RAI14: variants seen among roughly 807,000 people sequenced by gnomAD.
RAI14 encodes ankycorbin.
Under a neutral mutation model 115.4 loss-of-function variants are expected in RAI14, and 45 were observed. That is an observed-to-expected ratio of 0.39 (90% CI 0.31 to 0.50). RAI14 has a LOEUF of 0.50. Ranked by LOEUF, RAI14 falls within the 20% of genes least tolerant of loss-of-function variation. The pLI, the probability that RAI14 is intolerant of heterozygous loss-of-function variation, is 0.85. For synonymous variants in RAI14, 371 were observed against 415.4 expected (o/e 0.89, Z 1.30); for missense variants, 939 against 1,131.2 (o/e 0.83, Z 2.44).
intron 1 of RAI14, among the ~76,000 whole-genome samples, chr5:34,671,480 A>G (rs1156470871): frequency 6.6e-6 from 1 of 152,160 alleles, no homozygotes; most frequent in Non-Finnish European, 1.5e-5. Flanking sequence ...GAGCGTATAC[A>G]TTTTCTGCTT....
chr5:34,809,501 A>G (rs1405865024), intron 7 of RAI14, among the ~76,000 whole-genome samples: 2 of 152,204 alleles, frequency 1.3e-5, no homozygotes, highest in Non-Finnish European at 2.9e-5. Context: ...AAATAACTCC[A>G]AGAACAGTTT....
intron 1 of RAI14, chr5:34,685,947 C>A (rs2149881686): frequency 6.6e-6 from 1 of 152,286 alleles, no homozygotes; most frequent in African/African-American, 2.4e-5. Context: ...GAGAGTCTTG[C>A]ATTGTTTAGA....
intron 14 of RAI14, among the ~76,000 whole-genome samples, chr5:34,822,733 G>C (rs2150297796): frequency 7.6e-6 from 1 of 132,378 alleles, no homozygotes; most frequent in South Asian, 2.5e-4. Context: ...GCCCAGGCTG[G>C]AGTGCAGTGG....
chr5:34,719,084 G>C (rs573089991), intron 2 of RAI14, among the ~76,000 whole-genome samples: 1 of 152,320 alleles, frequency 6.6e-6, no homozygotes, highest in African/African-American at 2.4e-5. Context: ...TCTCTGGACA[G>C]GGTACAACAG....
intron 3 of RAI14, among the ~76,000 whole-genome samples, chr5:34,777,006 T>TA (rs1561347905): frequency 6.6e-6 from 1 of 151,554 alleles, no homozygotes; most frequent in African/African-American, 2.4e-5. Context: ...CCATCTCTAC[T>TA]AAAAAAATAC....
At chr5:34,682,751 T>C (rs1744481637) in intron 1 of RAI14, among the ~76,000 whole-genome samples, 1 of 152,228 alleles carries the variant, frequency 6.6e-6, no homozygotes. Context: ...CTGTTTGAAA[T>C]GGGAGAACTT....
At chr5:34,802,479 G>C (rs1754389134) in intron 4 of RAI14, among the ~76,000 whole-genome samples, 1 of 152,102 alleles carries the variant, frequency 6.6e-6, no homozygotes, top group African/African-American at 2.4e-5. Context: ...TGGGGTGTCT[G>C]GTAGTGGTCA....
chr5:34,829,809 C>T lies in RAI14; in HGVS notation c.2865+12C>T, dbSNP rs774508894. The T allele has an allele frequency of 1.9e-6, 3 of 1,594,300 alleles. No individual in the cohort carries two copies. Among genetic ancestry groups the T allele is most frequent in the Non-Finnish European group, 2.6e-6 (3 of 1,167,382 alleles). On this transcript the variant is annotated intron_variant, in intron 17 of 17. Coordinates refer to ENST00000265109, the MANE Select transcript of RAI14 (RefSeq NM_015577.3). ...TGTATGCTGTGCAGGTATGGTTATG[C>T]CCCTTGAAGTATCTGGACATCCTAA...
In RAI14 at chr5:34,802,754, T is replaced by C. The variant is rs118167861; in HGVS notation, c.257-958T>C. ...GAGTGATAGAAGCTGCTAAGTGCTATGAAGGATAAAGAAATAAAGCAGGGA... is the reference window on the plus strand; with the variant it reads ...GAGTGATAGAAGCTGCTAAGTGCTACGAAGGATAAAGAAATAAAGCAGGGA... On this transcript the variant is annotated intron_variant, in intron 4 of 17. Coordinates refer to ENST00000265109, the MANE Select transcript of RAI14 (RefSeq NM_015577.3). Among the ~76,000 whole-genome samples the C allele has an allele frequency of 5.8e-4, 88 of 152,248 alleles. No individual in the cohort carries two copies. In the East Asian group the frequency reaches 0.015, roughly 26 times the overall value.
intron 3 of RAI14, among the ~76,000 whole-genome samples, chr5:34,783,349 G>A (rs1690485497): frequency 6.6e-6 from 1 of 152,188 alleles, no homozygotes; most frequent in African/African-American, 2.4e-5. Context: ...GCTGCAACCG[G>A]GGGGTCCTCG....
chr5:34,668,324 G>A (rs1743370050), intron 1 of RAI14, among the ~76,000 whole-genome samples: 1 of 151,702 alleles, frequency 6.6e-6, no homozygotes, highest in African/African-American at 2.4e-5. Flanking sequence ...AACTCGGGAA[G>A]CGGAGGTTGC....
chr5:34,823,110 C>G lies in RAI14; in HGVS notation c.1268C>G (p.Ser423Cys). 1 of 1,612,672 alleles carries G rather than the reference C, an allele frequency of 6.2e-7. No individual in the cohort carries two copies. The highest frequency in any genetic ancestry group is 8.5e-7 in the Non-Finnish European group (1 of 1,178,712). The change falls in exon 15 of 18, where the codon TCC (serine) becomes TGC (cysteine). Residue 423 changes from serine (S) to cysteine (C), a missense_variant. By Grantham distance (112) the Ser-to-Cys change is moderately radical. Transcript: ENST00000265109. This position sits in a 1 kb window ranked among gnomAD's most constrained non-coding sequence, Gnocchi z 4.5. The stretch of plus-strand genomic sequence containing the variant: ...GTCTTAATACATTCTTTAGGTAAAT[C>G]CACTACTGACAATGATGTCAGAATT... Reference protein sequence around the residue: ...PSVLIHSLGKSTTDNDVRIQQ... With the variant: ...PSVLIHSLGKCTTDNDVRIQQ...
At chr5:34,706,306 C>T (rs1313920897) in intron 2 of RAI14, among the ~76,000 whole-genome samples, 1 of 152,118 alleles carries the variant, frequency 6.6e-6, no homozygotes, top group Admixed American at 6.5e-5. Flanking sequence ...CTTTAGCAGC[C>T]TTGGCTTTGT....
At chr5:34,816,332 A>T (rs527499002) in intron 12 of RAI14, among the ~76,000 whole-genome samples, 46 of 152,278 alleles carry the variant, frequency 3.0e-4, no homozygotes, top group African/African-American at 1.1e-3. Flanking sequence ...TTCTTACCCA[A>T]TTAAGTTTAT....
intron 2 of RAI14, among the ~76,000 whole-genome samples, chr5:34,705,074 A>G (rs1228160013): frequency 6.6e-6 from 1 of 152,158 alleles, no homozygotes; most frequent in African/African-American, 2.4e-5. Context: ...GACTATGGAC[A>G]CATGCCACCA....
chr5:34,807,859 T>C lies in RAI14; in HGVS notation c.379+2T>C. ...GGAAAACAGCTTTACATTATGCAGG[T>C]AACTTTCATTCTCCTATTTGTCTTC... On this transcript the variant is annotated splice_donor_variant, in intron 6 of 17. Transcript: ENST00000265109. LOFTEE classifies it high-confidence loss of function. 1 of 1,608,592 alleles carries C rather than the reference T, an allele frequency of 6.2e-7. No individual in the cohort carries two copies. The highest frequency in any genetic ancestry group is 2.2e-5 in the East Asian group (1 of 44,846).
intron 4 of RAI14, among the ~76,000 whole-genome samples, chr5:34,801,881 G>C (rs1754315582): frequency 6.6e-6 from 1 of 152,096 alleles, no homozygotes; most frequent in African/African-American, 2.4e-5. Flanking sequence ...GACTAGCCTG[G>C]GCAACATAGC....
At chr5:34,746,404 CTT>C (rs35823753) in intron 2 of RAI14, among the ~76,000 whole-genome samples, 71 of 136,610 alleles carry the variant, frequency 5.2e-4, no homozygotes, top group Admixed American at 6.0e-4. Flanking sequence ...TGCGCCTGGC[CTT>C]TTTTTTTTTT....
At chr5:34,745,851 A>T (rs1300136287) in intron 2 of RAI14, among the ~76,000 whole-genome samples, 6 of 152,012 alleles carry the variant, frequency 3.9e-5, no homozygotes, top group African/African-American at 1.4e-4. Context: ...TTCTTGGCCC[A>T]CCACTGACCG....
Sources: gnomAD v4.1 joint callset for allele counts (sites outside exome capture counted in the v4.1 genomes callset) on GRCh38, gnomAD v4.1.1 for gene constraint, Gnocchi (gnomAD v3.1) non-coding constraint, MANE v1.5 for transcripts, NCBI Gene and HGNC (gene_info 2026-07-23, HGNC 2026-07-21) for gene names.